Variants in GRK5 observed in about 807,000 individuals in gnomAD.
The protein encoded by GRK5 is G protein-coupled receptor kinase 5.
Under a neutral mutation model 78.4 loss-of-function variants are expected in GRK5, and 40 were observed. That is an observed-to-expected ratio of 0.51 (90% CI 0.40 to 0.66). The LOEUF (loss-of-function observed/expected upper bound fraction) is 0.66, where lower values mean the gene tolerates loss of function less well. GRK5 is among the 30% of genes least tolerant of loss of function. GRK5 has a pLI of 0.00. For synonymous variants in GRK5, 289 were observed against 296.8 expected (o/e 0.97, Z 0.27); for missense variants, 598 against 759.9 (o/e 0.79, Z 2.50).
chr10:119,431,289 C>A lies in GRK5; in HGVS notation c.598-98C>A. On this transcript the variant is annotated intron_variant, in intron 7 of 15. Coordinates refer to ENST00000392870, the MANE Select transcript of GRK5 (RefSeq NM_005308.3). The surrounding 1 kb of genome is among the most constrained non-coding windows in gnomAD (Gnocchi z 4.8). The stretch of plus-strand genomic sequence containing the variant: ...AGGCAGGGCCGGCTCTGACCCCATC[C>A]ATTCTCTACCTGGGAGGCCTGTGGT... 2 of 1,396,266 alleles carry A rather than the reference C, an allele frequency of 1.4e-6. No homozygotes were observed. The highest frequency in any genetic ancestry group is 1.4e-5 in the African/African-American group (1 of 69,032). 86.5% of individuals were successfully genotyped at this position (1,396,266 alleles called of 1,614,324 possible). A position where few individuals can be genotyped will look rare whatever the true frequency, so the allele number is the denominator to read the frequency against.
chr10:119,295,101 A>G (rs10886443), intron 1 of GRK5, among the ~76,000 whole-genome samples: 48,561 of 150,720 alleles, frequency 0.32, 8,381 homozygotes, highest in African/African-American at 0.46. Flanking sequence ...GAGGCAGGAG[A>G]ATCGCTTGAA....
chr10:119,419,818 G>A (rs553278364), intron 4 of GRK5, among the ~76,000 whole-genome samples: 56 of 152,304 alleles, frequency 3.7e-4, no homozygotes, highest in African/African-American at 1.3e-3. Context: ...TTTCCCAGAT[G>A]ACCCCAGCTC....
chr10:119,442,365 C>T (rs181153391), intron 11 of GRK5, among the ~76,000 whole-genome samples: 3 of 152,224 alleles, frequency 2.0e-5, no homozygotes, highest in Admixed American at 6.5e-5. Context: ...GGGGTCGGGG[C>T]CTGGCATACA....
intron 4 of GRK5, among the ~76,000 whole-genome samples, chr10:119,407,648 T>G (rs1852262710): frequency 6.6e-6 from 1 of 152,262 alleles, no homozygotes; most frequent in Non-Finnish European, 1.5e-5. Context: ...TCTTCATGAC[T>G]ATCCTATGTA....
At chr10:119,434,519 A>T (rs1373332133) in intron 8 of GRK5, among the ~76,000 whole-genome samples, 1 of 152,256 alleles carries the variant, frequency 6.6e-6, no homozygotes, top group Admixed American at 6.5e-5. Context: ...GAAATCCAGC[A>T]GGGCAGTCAA....
At chr10:119,333,901 G>A in intron 2 of GRK5, 1 of 519,688 alleles carries the variant, frequency 1.9e-6, no homozygotes, top group South Asian at 1.4e-5. Context: ...GCAGAACCAA[G>A]GCAAAGATCT....
chr10:119,337,346 A>G (rs144756644), intron 2 of GRK5, among the ~76,000 whole-genome samples: 168 of 152,282 alleles, frequency 1.1e-3, no homozygotes, highest in African/African-American at 3.9e-3. Context: ...TGAGGTTGCC[A>G]TAGTGAAATA....
Position 119,452,701 on chromosome 10 carries a change from G to A in GRK5, c.1435G>A (p.Asp479Asn), listed in dbSNP as rs540786452. Residue 479 changes from aspartate (D) to asparagine (N), a missense_variant, in exon 14 of 16, where the codon GAC becomes AAC. Asp to Asn is a conservative substitution (Grantham distance 23, BLOSUM62 1). Coordinates refer to ENST00000392870, the MANE Select transcript of GRK5 (RefSeq NM_005308.3). The surrounding 1 kb of genome is among the most constrained non-coding windows in gnomAD (Gnocchi z 4.4). Reference protein sequence around the residue: ...PRAVYCKDVLDIEQFSTVKGV... With the variant: ...PRAVYCKDVLNIEQFSTVKGV... Reference sequence around the variant, plus strand: ...CGCTGTGTACTGTAAGGACGTGCTGGACATCGAGCAGTTCTCCACTGTGAA... The same window carrying A: ...CGCTGTGTACTGTAAGGACGTGCTGAACATCGAGCAGTTCTCCACTGTGAA... The A allele has an allele frequency of 6.2e-7, 1 of 1,614,140 alleles. No homozygotes were observed. Among genetic ancestry groups the A allele is most frequent in the East Asian group, 2.2e-5 (1 of 44,878 alleles).
At chr10:119,417,616 C>T (rs1199819411) in intron 4 of GRK5, among the ~76,000 whole-genome samples, 1 of 151,342 alleles carries the variant, frequency 6.6e-6, no homozygotes, top group Non-Finnish European at 1.5e-5. Context: ...TAGTGGTCAG[C>T]AATACATCAT....
Position 119,217,153 on chromosome 10 carries a change from T to C in GRK5, c.52+9184T>C, listed in dbSNP as rs930907932. ...TAGGGTTTTTAAGTGTAAATACCCA[T>C]GAGGTTGTAATTGTGGAAGAGAAAG... On this transcript the variant is annotated intron_variant, in intron 1 of 15. Coordinates refer to ENST00000392870, the MANE Select transcript of GRK5 (RefSeq NM_005308.3). This position sits in a 1 kb window ranked among gnomAD's most constrained non-coding sequence, Gnocchi z 4.1. 1.3e-4 allele frequency among the ~76,000 whole-genome samples: 20 copies of C among 152,148 alleles called. No individual in the cohort carries two copies. Among genetic ancestry groups the C allele is most frequent in the Non-Finnish European group, 2.9e-4 (20 of 68,002 alleles).
intron 1 of GRK5, among the ~76,000 whole-genome samples, chr10:119,293,490 C>T (rs1054037725): frequency 6.6e-6 from 1 of 152,222 alleles, no homozygotes; most frequent in Non-Finnish European, 1.5e-5. Context: ...TGTTGTTCCT[C>T]GTCTGTCTTT....
At chr10:119,440,337 C>T (rs1853007124) in intron 10 of GRK5, among the ~76,000 whole-genome samples, 1 of 152,044 alleles carries the variant, frequency 6.6e-6, no homozygotes, top group South Asian at 2.1e-4. Flanking sequence ...AACCACAGTA[C>T]CCCTCACAGC....
At chr10:119,388,446 C>T (rs1003535398) in intron 3 of GRK5, among the ~76,000 whole-genome samples, 4 of 152,214 alleles carry the variant, frequency 2.6e-5, no homozygotes, top group African/African-American at 4.8e-5. Context: ...AAGTGATTCT[C>T]GTGCCTCAGC....
At chr10:119,419,083 C>T (rs886860294) in intron 4 of GRK5, among the ~76,000 whole-genome samples, 1 of 152,224 alleles carries the variant, frequency 6.6e-6, no homozygotes, top group Non-Finnish European at 1.5e-5. Flanking sequence ...TAACATTTCT[C>T]TCCAGAACCC....
At chr10:119,330,469 C>CAAATCACCCTCATGAT (rs1850755809) in intron 2 of GRK5, 1 of 151,402 alleles carries the variant, frequency 6.6e-6, no homozygotes, top group African/African-American at 2.4e-5. Flanking sequence ...ACCCTCATGA[C>CAAATCACCCTCATGAT]CAAATCACCT....
At chr10:119,425,166 AC>A in intron 6 of GRK5, 81 bp downstream of exon 6, 1 of 1,022,846 alleles carries the variant, frequency 9.8e-7, no homozygotes, top group Non-Finnish European at 1.5e-6. Context: ...AAAATCAGTT[AC>A]CTCCCGTGGG....
At chr10:119,220,361 A>T (rs1488240953) in intron 1 of GRK5, among the ~76,000 whole-genome samples, 1 of 152,198 alleles carries the variant, frequency 6.6e-6, no homozygotes, top group Non-Finnish European at 1.5e-5. Context: ...TTAATTCTCT[A>T]TAATATATAG....
chr10:119,229,839 G>C (rs968422707), intron 1 of GRK5, among the ~76,000 whole-genome samples: 1 of 152,184 alleles, frequency 6.6e-6, no homozygotes, highest in African/African-American at 2.4e-5. Context: ...GCTTTATAGA[G>C]ATAGATGTAT....
intron 1 of GRK5, among the ~76,000 whole-genome samples, chr10:119,318,609 G>A (rs1850531283): frequency 6.6e-6 from 1 of 152,104 alleles, no homozygotes; most frequent in African/African-American, 2.4e-5. Context: ...GGCTCTGGGG[G>A]CTGTAGGCCG....
Sources: allele counts gnomAD v4.1 joint callset (sites outside exome capture counted in the v4.1 genomes callset), GRCh38; gene constraint gnomAD v4.1.1; non-coding constraint Gnocchi (gnomAD v3.1); transcripts MANE v1.5; gene names NCBI Gene and HGNC (gene_info 2026-07-23, HGNC 2026-07-21).